The following TBX18 variants were observed in gnomAD, a reference collection of about 807,000 sequenced individuals.
The protein encoded by TBX18 is T-box transcription factor 18, also known as T-box transcription factor TBX18.
A neutral mutation model predicts 55.0 loss-of-function variants in TBX18; 21 were observed. The ratio of observed to expected loss-of-function variants is 0.38; its 90% CI spans 0.27 to 0.55. The LOEUF (loss-of-function observed/expected upper bound fraction) is 0.55, where lower values mean the gene tolerates loss of function less well. Among genes scored for constraint, TBX18 ranks in the 20% least tolerant of loss-of-function variants. The pLI is 0.73. For missense variants in TBX18, 840 were observed against 799.6 expected (o/e 1.05, Z -0.61); for synonymous variants, 342 against 326.1 (o/e 1.05, Z -0.53).
At chr6:84,763,785 G>A in intron 1 of TBX18, 105 bp downstream of exon 1, 1 of 1,419,320 alleles carries the variant, frequency 7.0e-7, no homozygotes. Flanking sequence ...TAGTGGCTGA[G>A]TGGCCTTGGC....
rs201539210 is a variant in TBX18, at chr6:84,748,091, T to C, written c.772-4A>G. ...TGTGCATAGAATGAAGAATAATCTA[T>C]ATCAAAGAAGGAAAAGCTGAATTTA... On this transcript the variant is annotated splice_polypyrimidine_tract_variant and splice_region_variant and intron_variant, in intron 4 of 7. Transcript: ENST00000369663. 1,041 of 1,590,484 alleles carry C rather than the reference T, an allele frequency of 6.5e-4. 1 individual carries two copies. The highest frequency in any genetic ancestry group is 8.4e-4 in the Non-Finnish European group (973 of 1,164,102).
At chr6:84,738,944 C>T (rs1199962419) in intron 6 of TBX18, among the ~76,000 whole-genome samples, 1 of 152,126 alleles carries the variant, frequency 6.6e-6, no homozygotes, top group African/African-American at 2.4e-5. Context: ...TGGAACACAC[C>T]CACTCTCCTT....
intron 2 of TBX18, 65 bp from the exon 3 acceptor site, chr6:84,760,421 A>G (rs1042541986): frequency 5.5e-6 from 6 of 1,096,368 alleles, no homozygotes; most frequent in Middle Eastern, 2.1e-4. Flanking sequence ...ATGGAGCGTG[A>G]ATAAGCAAAG....
chr6:84,758,135 C>A (rs1459513153), intron 3 of TBX18, among the ~76,000 whole-genome samples: 1 of 151,954 alleles, frequency 6.6e-6, no homozygotes, highest in East Asian at 1.9e-4. Flanking sequence ...AGGCCAGAGG[C>A]GGTGGCTCAT....
chr6:84,761,393 A>G (rs1256120754), intron 2 of TBX18, among the ~76,000 whole-genome samples: 1 of 152,164 alleles, frequency 6.6e-6, no homozygotes, highest in Non-Finnish European at 1.5e-5. Flanking sequence ...CTGTTTTAGT[A>G]TTATTTCAGT....
intron 6 of TBX18, among the ~76,000 whole-genome samples, chr6:84,740,188 T>C (rs1767011193): frequency 6.6e-6 from 1 of 152,154 alleles, no homozygotes; most frequent in African/African-American, 2.4e-5. Flanking sequence ...CTGCACCTGC[T>C]CCACCTGGCC....
At position 84,738,562 on chromosome 6, in the gene TBX18, T is replaced by C. The variant is rs1187964691; in HGVS notation, c.1034A>G (p.Tyr345Cys). The change falls in exon 7 of 8, where the codon TAT becomes TGT. Residue 345 changes from tyrosine (Y) to cysteine (C), a missense_variant. Coordinates refer to ENST00000369663, the MANE Select transcript of TBX18 (RefSeq NM_001080508.3). ...RMGLEALVES[Y>C]AFWRPSLRTL... ...CCGTAGTGATGGTCGCCAGAATGCATATGATTCCACCAAGGCTTCCAAACC... is the reference window on the plus strand; with the variant it reads ...CCGTAGTGATGGTCGCCAGAATGCACATGATTCCACCAAGGCTTCCAAACC... 1 of 1,614,006 alleles carries C rather than the reference T, an allele frequency of 6.2e-7. No homozygotes were observed. The highest frequency in any genetic ancestry group is 2.2e-5 in the East Asian group (1 of 44,870).
At position 84,736,596 on chromosome 6, in the gene TBX18, CCA is replaced by C; in HGVS notation, c.*87_*88del. 1.4e-6 allele frequency: 2 copies of C among 1,406,226 alleles called. No individual in the cohort carries two copies. The highest frequency in any genetic ancestry group is 1.9e-6 in the Non-Finnish European group (2 of 1,060,548). The allele number at this position is 1,406,226 out of a possible 1,614,324, so 87.1% of individuals were successfully genotyped here. On this transcript the variant is annotated 3_prime_UTR_variant, in exon 8 of 8. Transcript: ENST00000369663. ...TTCTATTATATGTACATTTTATAAACCACAGAGAGTTTCTTTCCACATAGCTT... is the reference window on the plus strand; with the variant it reads ...TTCTATTATATGTACATTTTATAAACCAGAGAGTTTCTTTCCACATAGCTT...
intron 1 of TBX18, 22 bp downstream of exon 1, chr6:84,763,868 A>G (rs1357536605): frequency 2.0e-6 from 3 of 1,475,440 alleles, no homozygotes; most frequent in East Asian, 2.6e-5. Flanking sequence ...GAGAAGTTAT[A>G]GGCAGGAAGG....
At chr6:84,757,644 G>A (rs950233787) in intron 3 of TBX18, among the ~76,000 whole-genome samples, 3 of 151,734 alleles carry the variant, frequency 2.0e-5, no homozygotes, top group African/African-American at 7.3e-5. Flanking sequence ...TTCTAATTAG[G>A]AAACAAAACA....
chr6:84,751,509 T>C (rs970718792), intron 4 of TBX18, among the ~76,000 whole-genome samples: 11 of 152,176 alleles, frequency 7.2e-5, no homozygotes, highest in African/African-American at 2.7e-4. Flanking sequence ...CCTGGAATGT[T>C]TTAGGGATGG....
chr6:84,736,103 G>A lies in TBX18; in HGVS notation c.*582C>T, dbSNP rs761430605. On this transcript the variant is annotated 3_prime_UTR_variant, in exon 8 of 8. Transcript: ENST00000369663. ...GTTATGATTTTTTTATAGACCCAAG[G>A]TCATATAGTATGTGTGGTAAATAAT... 2 of 152,364 alleles carry A rather than the reference G, an allele frequency of 1.3e-5. No individual in the cohort carries two copies. Among genetic ancestry groups the A allele is most frequent in the Admixed American group, 6.6e-5 (1 of 15,260 alleles). The allele number at this position is 152,364 out of a possible 1,614,324, so 9.4% of individuals were successfully genotyped here.
intron 4 of TBX18, among the ~76,000 whole-genome samples, chr6:84,755,479 G>A (rs929431400): frequency 1.3e-5 from 2 of 152,106 alleles, no homozygotes; most frequent in African/African-American, 2.4e-5. Context: ...AGAAGAAATC[G>A]GTGTTATTTC....
chr6:84,763,026 C>A (rs1172933894), intron 1 of TBX18: 1 of 548,796 alleles, frequency 1.8e-6, no homozygotes, highest in African/African-American at 1.9e-5. Flanking sequence ...CCCGCTGGGC[C>A]TCCGCAGGGC....
chr6:84,752,068 T>C (rs748726383), intron 4 of TBX18, among the ~76,000 whole-genome samples: 6 of 152,220 alleles, frequency 3.9e-5, no homozygotes, highest in Non-Finnish European at 7.3e-5. Flanking sequence ...CTGTTTAGAA[T>C]GATTATTTTC....
intron 6 of TBX18, among the ~76,000 whole-genome samples, chr6:84,740,585 T>C (rs989335885): frequency 1.3e-5 from 2 of 152,176 alleles, no homozygotes; most frequent in African/African-American, 4.8e-5. Flanking sequence ...AAACCACATG[T>C]TGCCTGTGGG....
intron 6 of TBX18, among the ~76,000 whole-genome samples, chr6:84,740,410 A>G (rs768295762): frequency 5.1e-4 from 78 of 152,312 alleles, no homozygotes; most frequent in Middle Eastern, 6.8e-3. Context: ...AAGGTCTGAA[A>G]CCCTTATTAA....
chr6:84,762,773 G>A (rs898212734), intron 1 of TBX18, 25 bp from the exon 2 acceptor site: 2 of 1,571,388 alleles, frequency 1.3e-6, no homozygotes, highest in African/African-American at 2.7e-5. Flanking sequence ...ACAGAGAAAG[G>A]GAACTGGTGA....
At position 84,763,934 on chromosome 6, in the gene TBX18, G is replaced by A. The variant is rs776201830; in HGVS notation, c.248C>T (p.Ser83Phe). 6.3e-7 allele frequency: 1 copy of A among 1,578,574 alleles called. No homozygotes were observed. Among genetic ancestry groups the A allele is most frequent in the East Asian group, 2.3e-5 (1 of 43,152 alleles). Residue 83 changes from serine (S) to phenylalanine (F), a missense_variant, in exon 1 of 8, where the codon TCT (serine) becomes TTT (phenylalanine). Coordinates refer to ENST00000369663, the MANE Select transcript of TBX18 (RefSeq NM_001080508.3). The part of the protein sequence containing the change: ...AALPPPAGAT[S>F]GPARSGADLE... Reference sequence around the variant, plus strand: ...GTCTGCGCCACTCCGAGCCGGCCCAGACGTCGCCCCAGCCGGCGGCGGGAG... The same window carrying A: ...GTCTGCGCCACTCCGAGCCGGCCCAAACGTCGCCCCAGCCGGCGGCGGGAG...
Sources: allele counts gnomAD v4.1 joint callset (sites outside exome capture counted in the v4.1 genomes callset), GRCh38; gene constraint gnomAD v4.1.1; transcripts MANE v1.5; gene names NCBI Gene and HGNC (gene_info 2026-07-23, HGNC 2026-07-21).